ABCB5: variants seen among roughly 807,000 people sequenced by gnomAD.
ABCB5 encodes the protein ATP binding cassette subfamily B member 5.
Under a neutral mutation model 144.2 loss-of-function variants are expected in ABCB5, and 155 were observed. The observed-to-expected ratio is 1.08, with a 90% CI of 0.94 to 1.23. The LOEUF (loss-of-function observed/expected upper bound fraction) is 1.23, where lower values mean the gene tolerates loss of function less well. ABCB5 is among the 50% of genes most tolerant of loss of function. The pLI is 0.00. For missense variants in ABCB5, 1,830 were observed against 1,520.8 expected (o/e 1.20, Z -3.38); for synonymous variants, 610 against 528.6 (o/e 1.15, Z -2.11).
At chr7:20,655,166 G>A (rs1295222896) in intron 13 of ABCB5, among the ~76,000 whole-genome samples, 1 of 152,088 alleles carries the variant, frequency 6.6e-6, no homozygotes, top group East Asian at 1.9e-4. Context: ...ACATTAAAAG[G>A]TTAATAAGGA....
chr7:20,637,350 C>T (rs1322357367), intron 5 of ABCB5, among the ~76,000 whole-genome samples: 3 of 151,968 alleles, frequency 2.0e-5, no homozygotes, highest in Non-Finnish European at 4.4e-5. Context: ...ACTGAAATGA[C>T]TAAATAGTGC....
intron 26 of ABCB5, among the ~76,000 whole-genome samples, chr7:20,745,995 C>T (rs1024807941): frequency 6.6e-6 from 1 of 152,230 alleles, no homozygotes; most frequent in Admixed American, 6.5e-5. Context: ...CTGGTCTCTC[C>T]TGTCTCAAGA....
chr7:20,726,966 A>C, intron 21 of ABCB5, 74 bp from the exon 22 acceptor site: 1 of 1,018,186 alleles, frequency 9.8e-7, no homozygotes, highest in Non-Finnish European at 1.4e-6. Context: ...AGTGTGAGTG[A>C]CTAGAATTCA....
At chr7:20,620,283 G>C (rs1050589810) in intron 1 of ABCB5, among the ~76,000 whole-genome samples, 1 of 152,058 alleles carries the variant, frequency 6.6e-6, no homozygotes, top group Non-Finnish European at 1.5e-5. Context: ...AATCATAAGT[G>C]TGAAAATTAT....
intron 14 of ABCB5, among the ~76,000 whole-genome samples, chr7:20,675,663 C>G (rs1352353590): frequency 6.6e-6 from 1 of 151,242 alleles, no homozygotes; most frequent in African/African-American, 2.4e-5. Context: ...ATAGGTAGGA[C>G]TACATCAAAC....
At position 20,755,494 on chromosome 7, in the gene ABCB5, C is replaced by G. The variant is rs1783060924; in HGVS notation, c.3644C>G (p.Ser1215Cys). Residue 1215 changes from serine (S) to cysteine (C), a missense_variant, in exon 28 of 28, where the codon TCT becomes TGT. Transcript: ENST00000404938. ...TGCCTAGTGGTCACTCACAGGCTCT[C>G]TGCAATTCAGAACGCAGATTTGATA... ...RTCLVVTHRLSAIQNADLIVV... is the reference protein window; with the variant it reads ...RTCLVVTHRLCAIQNADLIVV... 6.2e-7 allele frequency: 1 copy of G among 1,614,178 alleles called. No homozygotes were observed. The highest frequency in any genetic ancestry group is 8.5e-7 in the Non-Finnish European group (1 of 1,180,026).
intron 5 of ABCB5, among the ~76,000 whole-genome samples, chr7:20,636,581 T>G (rs1184850929): frequency 1.3e-5 from 2 of 151,920 alleles, no homozygotes; most frequent in African/African-American, 4.8e-5. Flanking sequence ...GGTCAGGAAT[T>G]CAAGACCATC....
At chr7:20,616,789 A>G (rs1783695984) in intron 1 of ABCB5, among the ~76,000 whole-genome samples, 1 of 152,230 alleles carries the variant, frequency 6.6e-6, no homozygotes, top group Non-Finnish European at 1.5e-5. Context: ...GGTAACAGAG[A>G]GGAACATGGG....
intron 20 of ABCB5, among the ~76,000 whole-genome samples, chr7:20,717,364 T>A (rs1006414123): frequency 6.6e-6 from 1 of 152,016 alleles, no homozygotes; most frequent in Admixed American, 6.5e-5. Context: ...CCTTGGCTTG[T>A]AGTTGGCTGT....
At chr7:20,618,492 T>C (rs535683117) in intron 1 of ABCB5, among the ~76,000 whole-genome samples, 1 of 152,232 alleles carries the variant, frequency 6.6e-6, no homozygotes, top group African/African-American at 2.4e-5. Context: ...AGGATTGAGG[T>C]GTGAATAATC....
chr7:20,675,030 C>G (rs1000508758), intron 14 of ABCB5, among the ~76,000 whole-genome samples: 1 of 151,846 alleles, frequency 6.6e-6, no homozygotes, highest in African/African-American at 2.4e-5. Context: ...TCCCGTGATC[C>G]TGAACTGGAA....
intron 14 of ABCB5, chr7:20,660,382 C>T: frequency 1.0e-6 from 1 of 985,458 alleles, no homozygotes; most frequent in Non-Finnish European, 1.2e-6. Flanking sequence ...GAGATTAAAT[C>T]AATGTAGAAA....
At chr7:20,706,610 C>T (rs1324547847) in intron 20 of ABCB5, among the ~76,000 whole-genome samples, 1 of 152,190 alleles carries the variant, frequency 6.6e-6, no homozygotes, top group African/African-American at 2.4e-5. Context: ...ACAATAACTT[C>T]TAGACAAGTC....
intron 16 of ABCB5, among the ~76,000 whole-genome samples, chr7:20,687,341 A>G (rs1419684262): frequency 6.6e-6 from 1 of 152,246 alleles, no homozygotes; most frequent in African/African-American, 2.4e-5. Context: ...ACAAAATGAT[A>G]TAATTGGTTT....
Position 20,626,574 on chromosome 7 carries a change from C to T in ABCB5, c.71C>T (p.Pro24Leu), listed in dbSNP as rs373223407. ...YQRNGTAEEQ[P>L]KLRKEAVGSI... ...TTTTCCAGAACTGCAGAAGAACAGCCAAAACTGAGAAAGGAAGCAGTTGGA... is the reference window on the plus strand; with the variant it reads ...TTTTCCAGAACTGCAGAAGAACAGCTAAAACTGAGAAAGGAAGCAGTTGGA... Residue 24 changes from proline to leucine, a missense_variant, in exon 3 of 28, where the codon CCA becomes CTA. By Grantham distance (98) the Pro-to-Leu change is moderately conservative. Coordinates refer to ENST00000404938, the MANE Select transcript of ABCB5 (RefSeq NM_001163941.2). The T allele has an allele frequency of 3.7e-6, 6 of 1,607,608 alleles. No homozygotes were observed. Among genetic ancestry groups the T allele is most frequent in the African/African-American group, 1.3e-5 (1 of 74,784 alleles).
chr7:20,619,159 T>C (rs1475683995), intron 1 of ABCB5, among the ~76,000 whole-genome samples: 1 of 152,022 alleles, frequency 6.6e-6, no homozygotes, highest in Non-Finnish European at 1.5e-5. Context: ...AGTGCTGTCA[T>C]AAACATAAGA....
chr7:20,689,748 T>C (rs1357002554), intron 16 of ABCB5, among the ~76,000 whole-genome samples: 1 of 152,182 alleles, frequency 6.6e-6, no homozygotes, highest in Non-Finnish European at 1.5e-5. Flanking sequence ...CCTCCTGCAA[T>C]GTCTTTGCGG....
At chr7:20,729,399 A>G (rs575017458) in intron 23 of ABCB5, among the ~76,000 whole-genome samples, 3 of 152,168 alleles carry the variant, frequency 2.0e-5, no homozygotes, top group Non-Finnish European at 2.9e-5. Context: ...ATTATTTGCT[A>G]AGCAAATAAT....
intron 13 of ABCB5, among the ~76,000 whole-genome samples, chr7:20,658,089 G>A (rs1299637442): frequency 6.6e-6 from 1 of 152,122 alleles, no homozygotes; most frequent in Non-Finnish European, 1.5e-5. Flanking sequence ...CTGTTTTTCA[G>A]AGTATCCAGG....
Sources: allele counts gnomAD v4.1 joint callset (sites outside exome capture counted in the v4.1 genomes callset), GRCh38; gene constraint gnomAD v4.1.1; transcripts MANE v1.5; gene names NCBI Gene and HGNC (gene_info 2026-07-23, HGNC 2026-07-21).